The following TMX4 variants were observed in gnomAD, a reference collection of about 807,000 sequenced individuals.
TMX4 encodes the protein thioredoxin related transmembrane protein 4.
A neutral mutation model predicts 33.3 loss-of-function variants in TMX4; 23 were observed. The observed-to-expected ratio is 0.69, with a 90% CI of 0.50 to 0.98. The LOEUF (loss-of-function observed/expected upper bound fraction) is 0.98. Ranked by LOEUF, TMX4 falls within the 50% of genes least tolerant of loss-of-function variation. The pLI is 0.00. For synonymous variants in TMX4, 164 were observed against 161.5 expected, an observed-to-expected ratio of 1.02 and a Z score of -0.12; for missense variants, 399 against 448.9, an observed-to-expected ratio of 0.89 and a Z score of 1.01.
At chr20:8,008,906 T>C (rs1047494357) in intron 2 of TMX4, among the ~76,000 whole-genome samples, 14 of 152,196 alleles carry the variant, frequency 9.2e-5, no homozygotes, top group African/African-American at 2.2e-4. Flanking sequence ...TGGCTTTTAA[T>C]AGAAATCTCG....
At chr20:8,018,371 GAGAGAGGA>G in intron 1 of TMX4, among the ~76,000 whole-genome samples, 1 of 70,194 alleles carries the variant, frequency 1.4e-5, no homozygotes, top group African/African-American at 7.6e-5. Context: ...AGAGAGAGGA[GAGAGAGGA>G]GAGAGAGAGA....
chr20:8,019,543 G>T lies in TMX4; in HGVS notation c.71C>A (p.Thr24Lys). Residue 24 changes from threonine to lysine, a missense_variant, in exon 1 of 8, where the codon ACG (threonine) becomes AAG (lysine). Transcript: ENST00000246024. ...LAAWIAAVAA[T>K]AGPEEAALPP... ...CAGCGCGGCCTCCTCGGGGCCTGCC[G>T]TCGCCGCCACAGCCGCGATCCAGGC... is the stretch of plus-strand genomic sequence containing the variant. The T allele has an allele frequency of 2.0e-6, 3 of 1,473,426 alleles. No individual in the cohort carries two copies. Among genetic ancestry groups the T allele is most frequent in the Non-Finnish European group, 2.7e-6 (3 of 1,112,200 alleles). 91.3% of individuals were successfully genotyped at this position (1,473,426 alleles called of 1,614,324 possible). A position where few individuals can be genotyped will look rare whatever the true frequency, so the allele number is the denominator to read the frequency against.
At chr20:7,995,970 G>T in intron 5 of TMX4, 56 bp downstream of exon 5, 1 of 1,366,942 alleles carries the variant, frequency 7.3e-7, no homozygotes, top group Non-Finnish European at 1.0e-6. Context: ...CTTAAAAGCT[G>T]TATTTTTATT....
At chr20:7,991,429 T>G (rs1346858121) in intron 5 of TMX4, among the ~76,000 whole-genome samples, 3 of 152,200 alleles carry the variant, frequency 2.0e-5, no homozygotes, top group African/African-American at 7.2e-5. Context: ...GATTTCTGAT[T>G]TTTTCAGATT....
intron 4 of TMX4, among the ~76,000 whole-genome samples, chr20:7,997,165 T>TG (rs2050679902): frequency 1.3e-5 from 2 of 152,144 alleles, no homozygotes; most frequent in Admixed American, 1.3e-4. Flanking sequence ...TTTCTTAATT[T>TG]GGGGGTGGCC....
In TMX4 at chr20:7,980,716, G is replaced by T. The variant is rs530270847; in HGVS notation, c.*1535C>A. On this transcript the variant is annotated 3_prime_UTR_variant, in exon 8 of 8. Transcript: ENST00000246024. Reference sequence around the variant, plus strand: ...AGATGAAAAAGAACCATCTCTAAAAGTTGATGCTGTCAGAAGAATAACCTC... The same window carrying T: ...AGATGAAAAAGAACCATCTCTAAAATTTGATGCTGTCAGAAGAATAACCTC... The T allele has an allele frequency of 6.6e-6, 1 of 152,352 alleles. No homozygotes were observed. The highest frequency in any genetic ancestry group is 2.1e-4 in the South Asian group (1 of 4,830). The allele number at this position is 152,352 out of a possible 1,614,324, so 9.4% of individuals were successfully genotyped here. A position where few individuals can be genotyped will look rare whatever the true frequency, so the allele number is the denominator to read the frequency against.
In TMX4 at chr20:7,978,978, A is replaced by T. The variant is rs916940425; in HGVS notation, c.*3273T>A. The T allele has an allele frequency of 6.6e-6, 1 of 152,182 alleles. No homozygotes were observed. The allele number at this position is 152,182 out of a possible 1,614,324, so 9.4% of individuals were successfully genotyped here. A position where few individuals can be genotyped will look rare whatever the true frequency, so the allele number is the denominator to read the frequency against. The stretch of plus-strand genomic sequence containing the variant: ...CACTGCACATTCCCATTCCAAAACC[A>T]GTTACCTGCATTGCATTCACCTAAT... On this transcript the variant is annotated 3_prime_UTR_variant, in exon 8 of 8. Coordinates refer to ENST00000246024, the MANE Select transcript of TMX4 (RefSeq NM_021156.4).
At chr20:7,994,283 T>C (rs1212885113) in intron 5 of TMX4, among the ~76,000 whole-genome samples, 22 of 152,172 alleles carry the variant, frequency 1.4e-4, no homozygotes, top group Admixed American at 1.4e-3. Flanking sequence ...CATTAGTTAT[T>C]CAGACATGGA....
intron 1 of TMX4, among the ~76,000 whole-genome samples, chr20:8,013,350 T>C (rs2050760645): frequency 6.6e-6 from 1 of 152,204 alleles, no homozygotes. Flanking sequence ...TTATAGTCAT[T>C]TAAACTGTAA....
intron 5 of TMX4, among the ~76,000 whole-genome samples, chr20:7,992,137 C>T (rs1041776913): frequency 1.3e-5 from 2 of 152,338 alleles, no homozygotes; most frequent in African/African-American, 4.8e-5. Flanking sequence ...CATTTAGTCA[C>T]TAAGTTGCAT....
chr20:8,013,095 A>T (rs2122881595), intron 1 of TMX4, among the ~76,000 whole-genome samples: 1 of 152,336 alleles, frequency 6.6e-6, no homozygotes, highest in East Asian at 1.9e-4. Context: ...AATGAATGCA[A>T]GGATCAGTCA....
At chr20:8,005,323 A>T (rs1376402458) in intron 2 of TMX4, among the ~76,000 whole-genome samples, 1 of 152,178 alleles carries the variant, frequency 6.6e-6, no homozygotes, top group Non-Finnish European at 1.5e-5. Flanking sequence ...CTGACACATC[A>T]CCTGATCTAC....
chr20:7,996,209 T>A (rs115927491), intron 4 of TMX4, 138 bp from the exon 5 acceptor site: 1 of 640,600 alleles, frequency 1.6e-6, no homozygotes, highest in Non-Finnish European at 2.7e-6. Context: ...TATCTGTTCT[T>A]ACAGAGCTTA....
intron 1 of TMX4, chr20:8,018,927 G>T: frequency 4.8e-6 from 2 of 414,302 alleles, no homozygotes; most frequent in South Asian, 3.5e-5. Context: ...CAAATGGCCT[G>T]CCTTCACCGT....
At position 7,977,695 on chromosome 20, in the gene TMX4, T is replaced by C. The variant is rs980350368; in HGVS notation, c.*4556A>G. The C allele has an allele frequency of 1.3e-5, 2 of 152,242 alleles. No homozygotes were observed. The highest frequency in any genetic ancestry group is 2.9e-5 in the Non-Finnish European group (2 of 68,042). The allele number at this position is 152,242 out of a possible 1,614,324, so 9.4% of individuals were successfully genotyped here. A position where few individuals can be genotyped will look rare whatever the true frequency, so the allele number is the denominator to read the frequency against. ...ATTAGGCTAAGACTAATACCAGTAA[T>C]ATAAACAACAAATTTATAACATATT... is the stretch of plus-strand genomic sequence containing the variant. On this transcript the variant is annotated 3_prime_UTR_variant, in exon 8 of 8. Coordinates refer to ENST00000246024, the MANE Select transcript of TMX4 (RefSeq NM_021156.4).
Position 8,019,501 on chromosome 20 carries a change from C to A in TMX4, c.113G>T (p.Arg38Leu), listed in dbSNP as rs2050802174. 6.6e-7 allele frequency: 1 copy of A among 1,504,834 alleles called. No individual in the cohort carries two copies. The highest frequency in any genetic ancestry group is 1.5e-5 in the African/African-American group (1 of 68,748). The allele number at this position is 1,504,834 out of a possible 1,614,324, so 93.2% of individuals were successfully genotyped here. Reference sequence around the variant, plus strand: ...GTTGGAGGCGGTCATGGGCTGGACCCGGCTCTGCTCCGGCGGCAGCGCGGC... The same window carrying A: ...GTTGGAGGCGGTCATGGGCTGGACCAGGCTCTGCTCCGGCGGCAGCGCGGC... ...EEAALPPEQS[R>L]VQPMTASNWT... Residue 38 changes from arginine to leucine, a missense_variant, in exon 1 of 8, where the codon CGG (arginine) becomes CTG (leucine). Physicochemically the swap from Arg to Leu is moderately radical, Grantham distance 102. Transcript: ENST00000246024.
At chr20:7,996,115 TAA>T in intron 4 of TMX4, 44 bp from the exon 5 acceptor site, 4 of 1,362,752 alleles carry the variant, frequency 2.9e-6, no homozygotes, top group South Asian at 1.4e-5. Context: ...ATATATACTA[TAA>T]AAAAAAAATG....
In TMX4 at chr20:7,979,892, C is replaced by A. The variant is rs186580160; in HGVS notation, c.*2359G>T. The A allele has an allele frequency of 4.6e-5, 7 of 152,032 alleles. No individual in the cohort carries two copies. Among genetic ancestry groups the A allele is most frequent in the Admixed American group, 6.5e-5 (1 of 15,272 alleles). 9.4% of individuals were successfully genotyped at this position (152,032 alleles called of 1,614,324 possible). A position where few individuals can be genotyped will look rare whatever the true frequency, so the allele number is the denominator to read the frequency against. The stretch of plus-strand genomic sequence containing the variant: ...TATAATGAGGTATCTTGGGAGTAGA[C>A]CCAAGTCTAAACACAAAATTCATTT... On this transcript the variant is annotated 3_prime_UTR_variant, in exon 8 of 8. Transcript: ENST00000246024.
intron 5 of TMX4, among the ~76,000 whole-genome samples, chr20:7,988,400 G>A (rs1301619144): frequency 6.6e-6 from 1 of 152,078 alleles, no homozygotes; most frequent in African/African-American, 2.4e-5. Flanking sequence ...TTATGTCAAT[G>A]CAATTAAAAA....
Sources: gnomAD v4.1 joint callset for allele counts (sites outside exome capture counted in the v4.1 genomes callset) on GRCh38, gnomAD v4.1.1 for gene constraint, MANE v1.5 for transcripts, NCBI Gene and HGNC (gene_info 2026-07-23, HGNC 2026-07-21) for gene names.